Variants in NEK6 observed in about 807,000 individuals in gnomAD.
NEK6 encodes serine/threonine-protein kinase Nek6.
In NEK6, 27 loss-of-function variants were observed where a neutral mutation model predicts 43.5. The observed-to-expected ratio is 0.62, with a 90% CI of 0.46 to 0.86. NEK6 has a LOEUF of 0.86. Ranked by LOEUF, NEK6 falls within the 40% of genes least tolerant of loss-of-function variation. The pLI is 0.00. For missense variants in NEK6, 318 were observed against 414.4 expected (o/e 0.77, Z 2.02); for synonymous variants, 167 against 164.1 (o/e 1.02, Z -0.14).
chr9:124,321,505 A>T lies in NEK6; in HGVS notation c.341A>T (p.Glu114Val), dbSNP rs370008827. 6 of 1,613,972 alleles carry T rather than the reference A, an allele frequency of 3.7e-6. No individual in the cohort carries two copies. Among genetic ancestry groups the T allele is most frequent in the Non-Finnish European group, 5.1e-6 (6 of 1,179,964 alleles). ...ATCAAGTATTTGGACTCGTTTATCGAAGACAACGAGCTGAACATTGTGCTG... is the reference window on the plus strand; with the variant it reads ...ATCAAGTATTTGGACTCGTTTATCGTAGACAACGAGCTGAACATTGTGCTG... Reference protein sequence around the residue: ...NIIKYLDSFIEDNELNIVLEL... With the variant: ...NIIKYLDSFIVDNELNIVLEL... Residue 114 changes from glutamate (E) to valine (V), a missense_variant, in exon 5 of 10, where the codon GAA (glutamate) becomes GTA (valine). By Grantham distance (121) the Glu-to-Val change is moderately radical. Transcript: ENST00000320246.
intron 8 of NEK6, among the ~76,000 whole-genome samples, chr9:124,340,660 T>A (rs7851278): frequency 2.6e-5 from 4 of 152,022 alleles, no homozygotes; most frequent in African/African-American, 7.2e-5. Context: ...TGGAGCTGAC[T>A]TGAGCAGATG....
At chr9:124,295,771 T>G (rs1028521011) in intron 1 of NEK6, among the ~76,000 whole-genome samples, 1 of 152,236 alleles carries the variant, frequency 6.6e-6, no homozygotes, top group Non-Finnish European at 1.5e-5. Context: ...CCAGTGTGCC[T>G]GGGCGTGGCA....
In NEK6 at chr9:124,326,563, G is replaced by GCC; in HGVS notation, c.514+126_514+127insCC. ...AGTTGGACCGCTCTGTATTCCCCAGGCAAGGGGGCTGCCCAGCAACCGCGC... is the reference window on the plus strand; with the variant it reads ...AGTTGGACCGCTCTGTATTCCCCAGGCCCAAGGGGGCTGCCCAGCAACCGCGC... On this transcript the variant is annotated intron_variant, in intron 6 of 9. Transcript: ENST00000320246. The surrounding 1 kb of genome is among the most constrained non-coding windows in gnomAD (Gnocchi z 4.5). 1.5e-6 allele frequency: 1 copy of GCC among 687,692 alleles called. No individual in the cohort carries two copies. The highest frequency in any genetic ancestry group is 2.3e-5 in the Admixed American group (1 of 43,266). 42.6% of individuals were successfully genotyped at this position (687,692 alleles called of 1,614,324 possible).
In NEK6 at chr9:124,282,896, C is replaced by T. The variant is rs1421167854; in HGVS notation, c.-29-19040C>T. Among the ~76,000 whole-genome samples, 5 of 152,122 alleles carry T rather than the reference C, an allele frequency of 3.3e-5. No individual in the cohort carries two copies. The East Asian group carries it at 5.8e-4, about 18-fold the overall frequency. On this transcript the variant is annotated intron_variant, in intron 1 of 9. Coordinates refer to ENST00000320246, the MANE Select transcript of NEK6 (RefSeq NM_014397.6). ...GGCTCTGCTCTTTTGGGTTAGAGAG[C>T]GGCCCCTCCCAGTAATGACAGGGCC...
chr9:124,318,986 T>A lies in NEK6; in HGVS notation c.295-2473T>A, dbSNP rs182879147. Among the ~76,000 whole-genome samples, 1,336 of 151,876 alleles carry A rather than the reference T, an allele frequency of 8.8e-3. 16 individuals carry two copies. The highest frequency in any genetic ancestry group is 0.017 in the Middle Eastern group (5 of 294). On this transcript the variant is annotated intron_variant, in intron 4 of 9. Coordinates refer to ENST00000320246, the MANE Select transcript of NEK6 (RefSeq NM_014397.6). ...GCGCCCAGCCTATTTACTTATTTTT[T>A]ATTTTTATTTTTATTATTTTTAGAA...
intron 1 of NEK6, chr9:124,299,847 T>G (rs543596712): frequency 6.6e-6 from 1 of 152,076 alleles, no homozygotes; most frequent in East Asian, 1.9e-4. Context: ...TGGTTGAGTT[T>G]CTGCAGCTTC....
intron 7 of NEK6, among the ~76,000 whole-genome samples, chr9:124,337,355 G>T (rs1829349760): frequency 6.6e-6 from 1 of 152,206 alleles, no homozygotes; most frequent in Non-Finnish European, 1.5e-5. Flanking sequence ...TTCCCTCTTG[G>T]CAGCAGAGCC....
intron 1 of NEK6, among the ~76,000 whole-genome samples, chr9:124,263,346 C>T (rs1831106946): frequency 6.6e-6 from 1 of 152,214 alleles, no homozygotes. Flanking sequence ...CGCTCCCCCA[C>T]AGCCGCATTG....
chr9:124,285,784 C>G (rs1360506403), intron 1 of NEK6, among the ~76,000 whole-genome samples: 2 of 152,134 alleles, frequency 1.3e-5, no homozygotes, highest in Non-Finnish European at 2.9e-5. Flanking sequence ...GCCACACAAC[C>G]GGGGTTCAGA....
rs142908909 is a variant in NEK6, at chr9:124,298,758, C to T, written c.-29-3178C>T. Among the ~76,000 whole-genome samples the T allele has an allele frequency of 5.0e-3, 760 of 152,332 alleles. 10 individuals are homozygous for T. Among genetic ancestry groups the T allele is most frequent in the African/African-American group, 0.017 (723 of 41,568 alleles). ...TTGGGACCCGGGCAAATCTCTTAACCTCTTCGTGCCTCAGTTTTCTCATCT... is the reference window on the plus strand; with the variant it reads ...TTGGGACCCGGGCAAATCTCTTAACTTCTTCGTGCCTCAGTTTTCTCATCT... On this transcript the variant is annotated intron_variant, in intron 1 of 9. Transcript: ENST00000320246.
Position 124,351,011 on chromosome 9 carries a change from T to C in NEK6, c.*64T>C. 1 of 1,141,184 alleles carries C rather than the reference T, an allele frequency of 8.8e-7. No individual in the cohort carries two copies. The highest frequency in any genetic ancestry group is 1.8e-5 in the Admixed American group (1 of 55,748). The allele number at this position is 1,141,184 out of a possible 1,614,324, so 70.7% of individuals were successfully genotyped here. A position where few individuals can be genotyped will look rare whatever the true frequency, so the allele number is the denominator to read the frequency against. Reference sequence around the variant, plus strand: ...TTGCCTTACTTGAGTCGTCTTCTCTTCGAGTGGCCACCTGGTAGCCTAGAA... The same window carrying C: ...TTGCCTTACTTGAGTCGTCTTCTCTCCGAGTGGCCACCTGGTAGCCTAGAA... On this transcript the variant is annotated 3_prime_UTR_variant, in exon 10 of 10. Transcript: ENST00000320246.
chr9:124,277,518 TG>T, intron 1 of NEK6, among the ~76,000 whole-genome samples: 1 of 152,282 alleles, frequency 6.6e-6, no homozygotes, highest in East Asian at 1.9e-4. Flanking sequence ...TGCTGGGTGT[TG>T]GGGCAGCGGA....
intron 2 of NEK6, among the ~76,000 whole-genome samples, chr9:124,304,831 TTAGG>T (rs1833174205): frequency 1.3e-5 from 2 of 152,324 alleles, no homozygotes; most frequent in Middle Eastern, 3.4e-3. Context: ...TCATATATAC[TTAGG>T]AAAGCTGAAC....
chr9:124,292,363 G>T, intron 1 of NEK6: 1 of 1,504,012 alleles, frequency 6.6e-7, no homozygotes, highest in Non-Finnish European at 8.8e-7. Context: ...CCTGGGCTTG[G>T]CCAGAACTTC....
intron 1 of NEK6, among the ~76,000 whole-genome samples, chr9:124,262,603 C>T (rs1831074772): frequency 1.3e-5 from 2 of 152,252 alleles, no homozygotes; most frequent in African/African-American, 4.8e-5. Context: ...GATCACAGCA[C>T]CCCACCAGAC....
chr9:124,295,548 T>C (rs1046467528), intron 1 of NEK6, among the ~76,000 whole-genome samples: 4 of 152,194 alleles, frequency 2.6e-5, no homozygotes, highest in Admixed American at 2.6e-4. Context: ...TGGTTTCGAG[T>C]GTCAGTTCTG....
intron 2 of NEK6, among the ~76,000 whole-genome samples, chr9:124,311,821 C>T (rs1230327617): frequency 1.3e-5 from 2 of 152,196 alleles, no homozygotes; most frequent in Non-Finnish European, 2.9e-5. Context: ...TCCTGAGTAG[C>T]TGGAATTATA....
At chr9:124,296,066 C>T (rs1038536776) in intron 1 of NEK6, among the ~76,000 whole-genome samples, 1 of 152,268 alleles carries the variant, frequency 6.6e-6, no homozygotes, top group Non-Finnish European at 1.5e-5. Context: ...CTTGCCGGGC[C>T]TCCGATCTTC....
intron 5 of NEK6, among the ~76,000 whole-genome samples, chr9:124,323,395 G>A (rs138383026): frequency 6.3e-4 from 96 of 152,326 alleles, no homozygotes; most frequent in Middle Eastern, 3.4e-3. Context: ...AGGCCCTAAG[G>A]TCAGAGAAGC....
Sources: gnomAD v4.1 joint callset for allele counts (sites outside exome capture counted in the v4.1 genomes callset) on GRCh38, gnomAD v4.1.1 for gene constraint, Gnocchi (gnomAD v3.1) non-coding constraint, MANE v1.5 for transcripts, NCBI Gene and HGNC (gene_info 2026-07-23, HGNC 2026-07-21) for gene names.